Variants in GPC5 observed in about 807,000 individuals in gnomAD.
The protein encoded by GPC5 is glypican 5.
Under a neutral mutation model 53.9 loss-of-function variants are expected in GPC5, and 47 were observed. The ratio of observed to expected loss-of-function variants is 0.87; its 90% CI spans 0.69 to 1.11. GPC5 has a LOEUF of 1.11. Among genes scored for constraint, GPC5 ranks in the 50% most tolerant of loss-of-function variants. The pLI is 0.00. For synonymous variants in GPC5, 286 were observed against 263.3 expected, an observed-to-expected ratio of 1.09 and a Z score of -0.84; for missense variants, 748 against 713.1, an observed-to-expected ratio of 1.05 and a Z score of -0.56.
chr13:91,533,009 A>G (rs1886421114), intron 2 of GPC5, among the ~76,000 whole-genome samples: 4 of 152,370 alleles, frequency 2.6e-5, no homozygotes, highest in Admixed American at 2.0e-4. Flanking sequence ...GAAAGGATGT[A>G]TAAGTGTGTG....
At chr13:91,951,320 A>G (rs1251425042) in intron 6 of GPC5, among the ~76,000 whole-genome samples, 2 of 152,264 alleles carry the variant, frequency 1.3e-5, no homozygotes, top group Admixed American at 1.3e-4. Flanking sequence ...TAAAATTGAC[A>G]AACATTGTGT....
chr13:91,661,842 T>A (rs967809707), intron 2 of GPC5, among the ~76,000 whole-genome samples: 2 of 151,934 alleles, frequency 1.3e-5, no homozygotes, highest in African/African-American at 4.8e-5. Context: ...CAACGAGGGG[T>A]CAGATCATTC....
chr13:92,772,470 G>C (rs1875649410), intron 7 of GPC5, among the ~76,000 whole-genome samples: 1 of 152,136 alleles, frequency 6.6e-6, no homozygotes, highest in Non-Finnish European at 1.5e-5. Context: ...TCTTCTCCCA[G>C]ATATCCTGGT....
At chr13:92,047,845 G>T (rs1416586054) in intron 6 of GPC5, among the ~76,000 whole-genome samples, 1 of 147,058 alleles carries the variant, frequency 6.8e-6, no homozygotes, top group Non-Finnish European at 1.5e-5. Flanking sequence ...CAAAAATTTA[G>T]CCGGGCGTGG....
At chr13:91,418,665 G>A (rs186477946) in intron 1 of GPC5, among the ~76,000 whole-genome samples, 9 of 152,260 alleles carry the variant, frequency 5.9e-5, no homozygotes, top group East Asian at 1.9e-4. Flanking sequence ...AAGGGTTTTG[G>A]ACTTTATTCC....
intron 7 of GPC5, among the ~76,000 whole-genome samples, chr13:92,726,569 TAATA>T (rs887544315): frequency 7.3e-5 from 11 of 151,570 alleles, no homozygotes; most frequent in Non-Finnish European, 1.6e-4. Context: ...AACTATTTCT[TAATA>T]AAGGAATAAA....
chr13:92,551,398 T>G (rs1045991291), intron 7 of GPC5, among the ~76,000 whole-genome samples: 2 of 122,728 alleles, frequency 1.6e-5, no homozygotes, highest in Non-Finnish European at 3.5e-5. Context: ...AACCAGATAT[T>G]TTCAAAGGAA....
At chr13:92,067,587 A>G (rs943025514) in intron 6 of GPC5, among the ~76,000 whole-genome samples, 9 of 152,034 alleles carry the variant, frequency 5.9e-5, no homozygotes, top group Admixed American at 3.3e-4. Flanking sequence ...ATTTATCTGT[A>G]CATAGGAAGA....
chr13:92,259,335 G>A (rs1269780322), intron 7 of GPC5, among the ~76,000 whole-genome samples: 1 of 152,106 alleles, frequency 6.6e-6, no homozygotes, highest in East Asian at 1.9e-4. Context: ...AGCAGTTTAT[G>A]TAATATTTTG....
intron 7 of GPC5, among the ~76,000 whole-genome samples, chr13:92,497,085 C>T (rs990325004): frequency 2.0e-5 from 3 of 152,150 alleles, no homozygotes; most frequent in African/African-American, 7.2e-5. Flanking sequence ...ATTTCTTTTG[C>T]TGTGCAGAAG....
At chr13:92,676,765 C>T (rs1277889501) in intron 7 of GPC5, among the ~76,000 whole-genome samples, 5 of 152,106 alleles carry the variant, frequency 3.3e-5, no homozygotes, top group Non-Finnish European at 7.3e-5. Context: ...AAACTATTTA[C>T]TAAAGAATTA....
intron 2 of GPC5, among the ~76,000 whole-genome samples, chr13:91,652,771 T>C (rs2034748136): frequency 6.6e-6 from 1 of 152,224 alleles, no homozygotes; most frequent in Non-Finnish European, 1.5e-5. Context: ...GGACCTACTA[T>C]AGTTTGGTCA....
At position 92,133,796 on chromosome 13, in the gene GPC5, GA is replaced by G. The variant is rs530237136; in HGVS notation, c.1402-11027del. Among the ~76,000 whole-genome samples, 53 of 152,162 alleles carry G rather than the reference GA, an allele frequency of 3.5e-4. 1 individual carries two copies. In the South Asian group the frequency reaches 0.01, roughly 30 times the overall value. ...GGGGTCATAAAGCGAAAAGGCAAGG[GA>G]AAAAAATCTAAGTTAAGAACAGAAA... On this transcript the variant is annotated intron_variant, in intron 6 of 7. Transcript: ENST00000377067.
Position 91,952,078 on chromosome 13 carries a change from C to T in GPC5, c.1401+44021C>T, listed in dbSNP as rs115753742. 6.4e-3 allele frequency among the ~76,000 whole-genome samples: 972 copies of T among 152,054 alleles called. 9 individuals are homozygous for T. The highest frequency in any genetic ancestry group is 0.022 in the African/African-American group (913 of 41,502). ...GTAGGCAATTAACTGAAAACAGTAA[C>T]GACTTTTGAATGTCTCTTATTTGGT... On this transcript the variant is annotated intron_variant, in intron 6 of 7. Transcript: ENST00000377067.
intron 7 of GPC5, among the ~76,000 whole-genome samples, chr13:92,728,908 C>A (rs563920868): frequency 6.6e-6 from 1 of 151,242 alleles, no homozygotes; most frequent in Non-Finnish European, 1.5e-5. Flanking sequence ...AATCAAGCTG[C>A]ATATTTAGTT....
intron 7 of GPC5, among the ~76,000 whole-genome samples, chr13:92,518,270 C>G (rs1010292634): frequency 6.6e-6 from 1 of 152,096 alleles, no homozygotes; most frequent in Non-Finnish European, 1.5e-5. Flanking sequence ...TCAGGAGATA[C>G]GGAGGATGCC....
chr13:92,628,877 C>T (rs1418168780), intron 7 of GPC5, among the ~76,000 whole-genome samples: 1 of 152,180 alleles, frequency 6.6e-6, no homozygotes, highest in Non-Finnish European at 1.5e-5. Flanking sequence ...CAGAGGGCTT[C>T]AAAGAAATAA....
chr13:92,139,680 A>AAAAAAAAAAAAGTG (rs532196727), intron 6 of GPC5, among the ~76,000 whole-genome samples: 10 of 140,892 alleles, frequency 7.1e-5, no homozygotes, highest in African/African-American at 1.0e-4. Context: ...AAAAAAAAAA[A>AAAAAAAAAAAAGTG]AAAAAGTGTT....
intron 7 of GPC5, among the ~76,000 whole-genome samples, chr13:92,863,910 T>C (rs1879262272): frequency 6.6e-6 from 1 of 152,220 alleles, no homozygotes; most frequent in African/African-American, 2.4e-5. Flanking sequence ...AGCAAAACTA[T>C]GAATTTATTC....
Sources: allele counts gnomAD v4.1 joint callset (sites outside exome capture counted in the v4.1 genomes callset), GRCh38; gene constraint gnomAD v4.1.1; transcripts MANE v1.5; gene names NCBI Gene and HGNC (gene_info 2026-07-23, HGNC 2026-07-21).